DSCAML1: variants seen among roughly 807,000 people sequenced by gnomAD.
DSCAML1 encodes cell adhesion molecule DSCAML1.
Under a neutral mutation model 200.5 loss-of-function variants are expected in DSCAML1, and 38 were observed. The ratio of observed to expected loss-of-function variants is 0.19; its 90% CI spans 0.15 to 0.25. The LOEUF is 0.25. Ranked by LOEUF, DSCAML1 falls within the 10% of genes least tolerant of loss-of-function variation. The pLI is 1.00. For missense variants in DSCAML1, 2,223 were observed against 2,858.8 expected (o/e 0.78, Z 5.07); for synonymous variants, 1,215 against 1,165.0 (o/e 1.04, Z -0.87).
intron 20 of DSCAML1, among the ~76,000 whole-genome samples, chr11:117,444,753 A>T (rs2048142983): frequency 6.6e-6 from 1 of 152,212 alleles, no homozygotes; most frequent in South Asian, 2.1e-4. Flanking sequence ...TGATGAAAAG[A>T]TTATGTTGCC....
chr11:117,714,071 T>C (rs2053902600), intron 3 of DSCAML1, among the ~76,000 whole-genome samples: 1 of 152,218 alleles, frequency 6.6e-6, no homozygotes, highest in African/African-American at 2.4e-5. Context: ...TCTGCATCTG[T>C]GCAATGGGGA....
At chr11:117,755,070 G>A (rs376566406) in intron 3 of DSCAML1, among the ~76,000 whole-genome samples, 3 of 152,262 alleles carry the variant, frequency 2.0e-5, no homozygotes, top group African/African-American at 4.8e-5. Context: ...ACAGTTGGAA[G>A]AACTGCCCCC....
intron 3 of DSCAML1, among the ~76,000 whole-genome samples, chr11:117,588,493 A>T (rs1055821533): frequency 6.6e-6 from 1 of 152,182 alleles, no homozygotes; most frequent in Admixed American, 6.5e-5. Context: ...CCTCCCCTGC[A>T]GTCCCCTGAG....
At chr11:117,510,260 T>C (rs1159798537) in intron 8 of DSCAML1, among the ~76,000 whole-genome samples, 2 of 152,212 alleles carry the variant, frequency 1.3e-5, no homozygotes, top group East Asian at 3.9e-4. Context: ...TGGGCTTCTT[T>C]GCCCTTGCAG....
chr11:117,806,612 G>A (rs950868066), intron 1 of DSCAML1, among the ~76,000 whole-genome samples: 4 of 152,164 alleles, frequency 2.6e-5, no homozygotes, highest in Non-Finnish European at 4.4e-5. Flanking sequence ...TATAAGACTG[G>A]TATGATTATT....
intron 19 of DSCAML1, among the ~76,000 whole-genome samples, chr11:117,457,345 G>T (rs2048392046): frequency 1.3e-5 from 2 of 152,178 alleles, no homozygotes; most frequent in Non-Finnish European, 2.9e-5. Flanking sequence ...GCCTTGCCTT[G>T]TTCAGTTAAA....
At chr11:117,431,148 G>C (rs978117864) in intron 31 of DSCAML1, 115 bp from the exon 32 acceptor site, 1 of 1,050,124 alleles carries the variant, frequency 9.5e-7, no homozygotes, top group African/African-American at 1.6e-5. Flanking sequence ...GCCATGGAGG[G>C]CACCAGGCTG....
chr11:117,505,604 T>C lies in DSCAML1; in HGVS notation c.1912A>G (p.Ile638Val). ...ITWRKDGQVI[I>V]SGSGVTIESK... ...TCGATGGTCACGCCCGAGCCTGAGA[T>C]GATCACCTGTCCGTCCTTCCTCCAG... Residue 638 changes from isoleucine to valine, a missense_variant, in exon 9 of 33, where the codon ATC (isoleucine) becomes GTC (valine). This residue lies in a region of DSCAML1 where 212 missense variants were observed against 368.0 expected (regional missense o/e 0.58). Transcript: ENST00000651296. This position sits in a 1 kb window ranked among gnomAD's most constrained non-coding sequence, Gnocchi z 6.7. 8 of 1,613,966 alleles carry C rather than the reference T, an allele frequency of 5.0e-6. No homozygotes were observed. Among genetic ancestry groups the C allele is most frequent in the Non-Finnish European group, 6.8e-6 (8 of 1,180,002 alleles).
chr11:117,434,299 CATCT>C (rs546278129), intron 27 of DSCAML1, among the ~76,000 whole-genome samples: 47 of 152,202 alleles, frequency 3.1e-4, no homozygotes, highest in South Asian at 8.3e-4. Context: ...TTCAACCATC[CATCT>C]GTCTATCCAT....
At chr11:117,690,677 C>T (rs1482786578) in intron 3 of DSCAML1, among the ~76,000 whole-genome samples, 5 of 152,212 alleles carry the variant, frequency 3.3e-5, no homozygotes, top group African/African-American at 7.2e-5. Context: ...CCATGCTCAC[C>T]CCTCCCTGGA....
At chr11:117,457,050 C>G (rs78113122) in intron 19 of DSCAML1, among the ~76,000 whole-genome samples, 1 of 152,146 alleles carries the variant, frequency 6.6e-6, no homozygotes, top group South Asian at 2.1e-4. Context: ...ACATTTTAGA[C>G]GTGGTATTAG....
At chr11:117,478,699 A>G (rs554600759) in intron 14 of DSCAML1, among the ~76,000 whole-genome samples, 4 of 152,292 alleles carry the variant, frequency 2.6e-5, no homozygotes, top group African/African-American at 9.6e-5. Context: ...AATTGCATCT[A>G]TGAGCCCTGT....
rs1182997681 is a variant in DSCAML1, at chr11:117,518,902, C to T, written c.1214-140G>A. 5.4e-6 allele frequency: 5 copies of T among 927,742 alleles called. No homozygotes were observed. Among genetic ancestry groups the T allele is most frequent in the African/African-American group, 3.3e-5 (2 of 59,898 alleles). 57.5% of individuals were successfully genotyped at this position (927,742 alleles called of 1,614,324 possible). A position where few individuals can be genotyped will look rare whatever the true frequency, so the allele number is the denominator to read the frequency against. ...ACTTTTGTGTACATCAATTCTTCTGCTATCCGCAACCCCAAGTGGTGCCAG... is the reference window on the plus strand; with the variant it reads ...ACTTTTGTGTACATCAATTCTTCTGTTATCCGCAACCCCAAGTGGTGCCAG... On this transcript the variant is annotated intron_variant, in intron 6 of 32. Transcript: ENST00000651296. This position sits in a 1 kb window ranked among gnomAD's most constrained non-coding sequence, Gnocchi z 6.3.
chr11:117,531,609 C>A (rs867822054), intron 4 of DSCAML1, among the ~76,000 whole-genome samples: 27 of 152,074 alleles, frequency 1.8e-4, no homozygotes, highest in African/African-American at 6.5e-4. Context: ...TCAGGCCGGG[C>A]GCAGTGGCAC....
chr11:117,536,795 G>A (rs1052848868), intron 3 of DSCAML1, among the ~76,000 whole-genome samples: 3 of 152,110 alleles, frequency 2.0e-5, no homozygotes, highest in African/African-American at 7.2e-5. Context: ...GGAGTGGTTG[G>A]TTTCTGCTTT....
At chr11:117,735,633 G>A (rs953536659) in intron 3 of DSCAML1, among the ~76,000 whole-genome samples, 2 of 152,216 alleles carry the variant, frequency 1.3e-5, no homozygotes, top group South Asian at 4.1e-4. Flanking sequence ...CAGAATGGCA[G>A]CCTGTGTGAG....
chr11:117,800,283 G>A (rs775020446), upstream of DSCAML1, among the ~76,000 whole-genome samples: 3 of 152,164 alleles, frequency 2.0e-5, no homozygotes, highest in Non-Finnish European at 2.9e-5. Context: ...AGAGTCAGGC[G>A]GCGTGTTCTA....
At chr11:117,520,349 G>T (rs2049861081) in intron 6 of DSCAML1, among the ~76,000 whole-genome samples, 1 of 152,166 alleles carries the variant, frequency 6.6e-6, no homozygotes, top group Non-Finnish European at 1.5e-5. Flanking sequence ...CAAACAAACA[G>T]GTAAAAACCC....
chr11:117,769,539 T>TTA (rs1555030212), intron 3 of DSCAML1, among the ~76,000 whole-genome samples: 51,046 of 70,010 alleles, frequency 0.73, 18,903 homozygotes, highest in East Asian at 0.87. Flanking sequence ...TTTATATATA[T>TTA]TATATATTTT....
Sources: gnomAD v4.1 joint callset for allele counts (sites outside exome capture counted in the v4.1 genomes callset) on GRCh38, gnomAD v4.1.1 for gene constraint, gnomAD v4.1.1 regional missense constraint, Gnocchi (gnomAD v3.1) non-coding constraint, MANE v1.5 for transcripts, NCBI Gene and HGNC (gene_info 2026-07-23, HGNC 2026-07-21) for gene names.